The following MAP4K1 variants were observed in gnomAD, a reference collection of about 807,000 sequenced individuals.
The protein encoded by MAP4K1 is mitogen-activated protein kinase kinase kinase kinase 1, also known as MAPK/ERK kinase kinase kinase 1.
A neutral mutation model predicts 122.8 loss-of-function variants in MAP4K1; 35 were observed. The observed-to-expected ratio is 0.29, with a 90% confidence interval of 0.22 to 0.38. The LOEUF (loss-of-function observed/expected upper bound fraction) is 0.38. Ranked by LOEUF, MAP4K1 falls within the 10% of genes least tolerant of loss-of-function variation. The pLI, the probability that MAP4K1 is intolerant of heterozygous loss-of-function variation, is 1.00. For missense variants in MAP4K1, 791 were observed against 1,072.6 expected (o/e 0.74, Z 3.67); for synonymous variants, 412 against 421.3 (o/e 0.98, Z 0.27).
rs1975060500 is a variant in MAP4K1 at position 38,601,428 on chromosome 19, C to A, written c.1531+13G>T. The A allele has an allele frequency of 1.3e-6, 2 of 1,599,880 alleles. No individual in the cohort carries two copies. Among genetic ancestry groups the A allele is most frequent in the Non-Finnish European group, 1.7e-6 (2 of 1,173,066 alleles). On this transcript the variant is annotated intron_variant, in intron 20 of 30. Coordinates refer to ENST00000396857, the MANE Select transcript of MAP4K1 (RefSeq NM_001042600.3). Reference sequence around the variant, plus strand: ...TTCCCTACAGGATCTCCTTGACCCTCCAGAATGCCCACCCTTGGTGGAGGG... The same window carrying A: ...TTCCCTACAGGATCTCCTTGACCCTACAGAATGCCCACCCTTGGTGGAGGG...
intron 8 of MAP4K1, 33 bp downstream of exon 8, chr19:38,613,847 T>G (rs1568642240): frequency 6.4e-7 from 1 of 1,558,522 alleles, no homozygotes. Context: ...TGACCCCCAC[T>G]CCACCCCTAG....
Position 38,596,464 on chromosome 19 carries a change from G to A in MAP4K1, c.1964C>T (p.Thr655Met). 1.3e-6 allele frequency: 2 copies of A among 1,573,706 alleles called. No homozygotes were observed. The highest frequency in any genetic ancestry group is 1.7e-6 in the Non-Finnish European group (2 of 1,163,418). ...CAGCAGCGCGAACACGGACAGAGGC[G>A]TCGGCAGTGGGAACAGCACCTGCTG... ...LVRQVLFPLP[T>M]PLSVFALLTG... The change falls in exon 26 of 31, where the codon ACG becomes ATG. Residue 655 changes from threonine to methionine, a missense_variant. This residue lies in a region of MAP4K1 where 267 missense variants were observed against 323.0 expected (regional missense o/e 0.83). Transcript: ENST00000396857.
intron 29 of MAP4K1, among the ~76,000 whole-genome samples, chr19:38,594,951 T>A (rs1974824884): frequency 8.5e-6 from 1 of 117,878 alleles, no homozygotes; most frequent in African/African-American, 3.5e-5. Flanking sequence ...CAAAAATAAA[T>A]AAATTTTATC....
intron 8 of MAP4K1, 99 bp downstream of exon 8, chr19:38,613,781 G>C: frequency 2.2e-6 from 2 of 892,530 alleles, no homozygotes; most frequent in Non-Finnish European, 3.5e-6. Context: ...AAAGGACGAG[G>C]CAGGGGAACG....
At chr19:38,588,417 A>G (rs1017976047) in intron 30 of MAP4K1, among the ~76,000 whole-genome samples, 2 of 152,152 alleles carry the variant, frequency 1.3e-5, no homozygotes, top group Non-Finnish European at 2.9e-5. Flanking sequence ...AAGGCCGGGC[A>G]TGGTGGCTCA....
chr19:38,593,153 G>T, intron 30 of MAP4K1, 129 bp downstream of exon 30: 2 of 768,458 alleles, frequency 2.6e-6, no homozygotes, highest in Non-Finnish European at 2.0e-6. Context: ...TAGGGAGCAG[G>T]GATGGAAGCA....
Position 38,603,026 on chromosome 19 carries a change from A to G in MAP4K1, c.1447-1501T>C, listed in dbSNP as rs1012737975. 4.3e-4 allele frequency among the ~76,000 whole-genome samples: 64 copies of G among 147,420 alleles called. 1 individual carries two copies. The highest frequency in any genetic ancestry group is 1.5e-3 in the African/African-American group (62 of 40,248). ...CATATATACACACATATACATGTAT[A>G]CATATATACACATGTACATATATAC... On this transcript the variant is annotated intron_variant, in intron 19 of 30. Transcript: ENST00000396857.
chr19:38,613,723 G>T (rs1426835568), intron 8 of MAP4K1, among the ~76,000 whole-genome samples, 157 bp downstream of exon 8: 1 of 151,256 alleles, frequency 6.6e-6, no homozygotes, highest in Non-Finnish European at 1.5e-5. Flanking sequence ...AGAGGAAAAT[G>T]GAAAACTCAA....
At chr19:38,592,204 G>T (rs924036668) in intron 30 of MAP4K1, among the ~76,000 whole-genome samples, 1 of 152,066 alleles carries the variant, frequency 6.6e-6, no homozygotes, top group Non-Finnish European at 1.5e-5. Flanking sequence ...AGCTCAGAAG[G>T]TCAAGACTGC....
At chr19:38,614,327 T>A in intron 5 of MAP4K1, 35 bp from the exon 6 acceptor site, 1 of 1,613,862 alleles carries the variant, frequency 6.2e-7, no homozygotes, top group South Asian at 1.1e-5. Flanking sequence ...ACAGTGAGTG[T>A]TTGGGGGCTG....
chr19:38,602,058 G>A (rs995779572), intron 19 of MAP4K1, among the ~76,000 whole-genome samples: 4 of 150,212 alleles, frequency 2.7e-5, no homozygotes, highest in East Asian at 4.0e-4. Flanking sequence ...GATTACAGGC[G>A]TGAGGCACCA....
chr19:38,602,232 C>T (rs368410696), intron 19 of MAP4K1, among the ~76,000 whole-genome samples: 12 of 152,170 alleles, frequency 7.9e-5, no homozygotes, highest in South Asian at 4.1e-4. Flanking sequence ...CACAACACCA[C>T]GCCTGGCTAA....
In MAP4K1 at chr19:38,596,008, G is replaced by T; in HGVS notation, c.2117-7C>A. The stretch of plus-strand genomic sequence containing the variant: ...TGCACGGGTCCCCTGTGCTCTGTTT[G>T]GGGGGAGTGGGTTAAGGATTGACCC... On this transcript the variant is annotated splice_region_variant and splice_polypyrimidine_tract_variant and intron_variant, in intron 26 of 30. Transcript: ENST00000396857. 6.2e-7 allele frequency: 1 copy of T among 1,613,438 alleles called. No homozygotes were observed. The highest frequency in any genetic ancestry group is 8.5e-7 in the Non-Finnish European group (1 of 1,179,648).
At chr19:38,612,952 G>A (rs191128964) in intron 8 of MAP4K1, among the ~76,000 whole-genome samples, 263 of 152,290 alleles carry the variant, frequency 1.7e-3, no homozygotes, top group Admixed American at 4.2e-3. Context: ...AGCACTTTGG[G>A]AGGCTGAGCA....
chr19:38,596,617 A>T, intron 25 of MAP4K1, 131 bp from the exon 26 acceptor site: 1 of 795,686 alleles, frequency 1.3e-6, no homozygotes, highest in East Asian at 2.7e-5. Context: ...TAGAAATGTC[A>T]GGGGATAAGG....
rs376253924 is a variant in MAP4K1, at chr19:38,612,733, C to T, written c.543G>A (p.Pro181=). ...SFIGTPYWMA[P]EVAAVALKGG... is the part of the protein sequence containing the mutation. ...CCTTCAGGGCCACAGCTGCCACTTC[C>T]GGAGCCATCCTGGGGGCAGACACGC... The change falls in exon 9 of 31, where the codon CCG becomes CCA. Residue 181 remains proline, a synonymous_variant. Transcript: ENST00000396857. 1.9e-5 allele frequency: 31 copies of T among 1,613,086 alleles called. No individual in the cohort carries two copies. The highest frequency in any genetic ancestry group is 1.1e-4 in the South Asian group (10 of 91,006).
rs762355357 is a variant in MAP4K1, at chr19:38,587,702, TG to T, written c.*45del. On this transcript the variant is annotated 3_prime_UTR_variant, in exon 31 of 31. Transcript: ENST00000396857. ...CATGCCATGACCACTAGTGTGTCTA[TG>T]GGGGAGGGGGTGCAAGGACTAGTTC... 1.2e-5 allele frequency: 17 copies of T among 1,414,356 alleles called. No individual in the cohort carries two copies. In the Admixed American group the frequency reaches 2.2e-4, roughly 18 times the overall value. The allele number at this position is 1,414,356 out of a possible 1,614,324, so 87.6% of individuals were successfully genotyped here. A position where few individuals can be genotyped will look rare whatever the true frequency, so the allele number is the denominator to read the frequency against.
chr19:38,603,985 G>GAA (rs368436239), intron 19 of MAP4K1, among the ~76,000 whole-genome samples: 14 of 124,684 alleles, frequency 1.1e-4, no homozygotes, highest in South Asian at 2.5e-4. Context: ...CTCCATCTCA[G>GAA]AAAAAAAAAA....
chr19:38,617,395 G>A lies in MAP4K1; in HGVS notation c.207C>T (p.Cys69=). 6.2e-7 allele frequency: 1 copy of A among 1,613,920 alleles called. No individual in the cohort carries two copies. The highest frequency in any genetic ancestry group is 8.5e-7 in the Non-Finnish European group (1 of 1,179,948). ...GGTAGGCCACGATGTTGGCGTGCCGGCAAGTTTTCAATATGAGGATTTCCT... is the reference window on the plus strand; with the variant it reads ...GGTAGGCCACGATGTTGGCGTGCCGACAAGTTTTCAATATGAGGATTTCCT... ...LQKEILILKT[C]RHANIVAYHG... The change falls in exon 3 of 31, where the codon TGC becomes TGT. Residue 69 remains cysteine, a synonymous_variant. Transcript: ENST00000396857. This position sits in a 1 kb window ranked among gnomAD's most constrained non-coding sequence, Gnocchi z 4.1.
Sources: allele counts gnomAD v4.1 joint callset (sites outside exome capture counted in the v4.1 genomes callset), GRCh38; gene constraint gnomAD v4.1.1; regional missense constraint gnomAD v4.1.1; non-coding constraint Gnocchi (gnomAD v3.1); transcripts MANE v1.5; gene names NCBI Gene and HGNC (gene_info 2026-07-23, HGNC 2026-07-21).